The following SYT10 variants were observed in gnomAD, a reference collection of about 807,000 sequenced individuals.
SYT10 encodes synaptotagmin 10.
Under a neutral mutation model 51.1 loss-of-function variants are expected in SYT10, and 31 were observed. That is an observed-to-expected ratio of 0.61 (90% CI 0.46 to 0.82). The LOEUF (loss-of-function observed/expected upper bound fraction) is 0.82. Ranked by LOEUF, SYT10 falls within the 40% of genes least tolerant of loss-of-function variation. The pLI, the probability that SYT10 is intolerant of heterozygous loss-of-function variation, is 0.00. For missense variants in SYT10, 603 were observed against 634.0 expected (o/e 0.95, Z 0.53); for synonymous variants, 233 against 225.9 (o/e 1.03, Z -0.28).
chr12:33,386,384 C>T (rs1866156852), intron 3 of SYT10, among the ~76,000 whole-genome samples: 1 of 152,032 alleles, frequency 6.6e-6, no homozygotes, highest in Non-Finnish European at 1.5e-5. Context: ...ATTCCTTTCC[C>T]CTCCAAGGTC....
Position 33,439,625 on chromosome 12 carries a change from G to T in SYT10, c.-103C>A. 2.1e-6 allele frequency: 3 copies of T among 1,413,072 alleles called. No individual in the cohort carries two copies. Among genetic ancestry groups the T allele is most frequent in the Admixed American group, 4.4e-5 (2 of 45,506 alleles). 87.5% of individuals were successfully genotyped at this position (1,413,072 alleles called of 1,614,324 possible). On this transcript the variant is annotated 5_prime_UTR_variant, in exon 1 of 7. Coordinates refer to ENST00000228567, the MANE Select transcript of SYT10 (RefSeq NM_198992.4). ...GCGCCCTAAGCCATAGTCCGCCCGC[G>T]GTGACTTTGGCTGGAGATTGCGCCG...
chr12:33,430,368 G>A (rs1866586850), intron 1 of SYT10, among the ~76,000 whole-genome samples: 1 of 152,200 alleles, frequency 6.6e-6, no homozygotes, highest in South Asian at 2.1e-4. Flanking sequence ...GAAACTTTTA[G>A]CATAGCAGAA....
chr12:33,402,499 A>C (rs986256668), intron 3 of SYT10, among the ~76,000 whole-genome samples: 1 of 152,202 alleles, frequency 6.6e-6, no homozygotes, highest in African/African-American at 2.4e-5. Flanking sequence ...ATCAGGAAAC[A>C]ATTATATAAT....
intron 2 of SYT10, among the ~76,000 whole-genome samples, chr12:33,416,280 A>G (rs528406764): frequency 2.0e-5 from 3 of 151,730 alleles, no homozygotes; most frequent in Non-Finnish European, 4.4e-5. Context: ...ACGGGGTTTC[A>G]TTATGTTGGC....
At chr12:33,383,500 G>C (rs1866133219) in intron 4 of SYT10, among the ~76,000 whole-genome samples, 1 of 152,066 alleles carries the variant, frequency 6.6e-6, no homozygotes, top group South Asian at 2.1e-4. Flanking sequence ...ATTCGTGGCT[G>C]GAAATAGGGT....
In SYT10 at chr12:33,439,542, T is replaced by A; in HGVS notation, c.-20A>T. ...ACTCATCGTTTGGCTTTTCTTTCGT[T>A]TTCTCTTTTTTTCCCAGTTAGCCGT... On this transcript the variant is annotated 5_prime_UTR_variant, in exon 1 of 7. Coordinates refer to ENST00000228567, the MANE Select transcript of SYT10 (RefSeq NM_198992.4). 9 of 1,610,324 alleles carry A rather than the reference T, an allele frequency of 5.6e-6. No homozygotes were observed. Among genetic ancestry groups the A allele is most frequent in the Non-Finnish European group, 7.6e-6 (9 of 1,177,470 alleles).
In SYT10 at chr12:33,375,088, G is replaced by A. The variant is rs1371120344; in HGVS notation, c.*1742C>T. 4 of 151,868 alleles carry A rather than the reference G, an allele frequency of 2.6e-5. No individual in the cohort carries two copies. Among genetic ancestry groups the A allele is most frequent in the Admixed American group, 2.6e-4 (4 of 15,238 alleles). 9.4% of individuals were successfully genotyped at this position (151,868 alleles called of 1,614,324 possible). Reference sequence around the variant, plus strand: ...TATAGCAAATAATTCTTTTAGGCTCGACAAGGTAGCCAAATGTTTCCAAAC... The same window carrying A: ...TATAGCAAATAATTCTTTTAGGCTCAACAAGGTAGCCAAATGTTTCCAAAC... On this transcript the variant is annotated 3_prime_UTR_variant, in exon 7 of 7. Coordinates refer to ENST00000228567, the MANE Select transcript of SYT10 (RefSeq NM_198992.4).
chr12:33,375,438 A>G lies in SYT10; in HGVS notation c.*1392T>C, dbSNP rs1421263316. 1 of 152,068 alleles carries G rather than the reference A, an allele frequency of 6.6e-6. No individual in the cohort carries two copies. The allele number at this position is 152,068 out of a possible 1,614,324, so 9.4% of individuals were successfully genotyped here. On this transcript the variant is annotated 3_prime_UTR_variant, in exon 7 of 7. Transcript: ENST00000228567. ...GCCTCTTTTTTTAAAAAAACCACCA[A>G]TTTTGAAATAAGCTTGAAATATATA...
At chr12:33,428,988 G>A (rs1172185238) in intron 1 of SYT10, among the ~76,000 whole-genome samples, 1 of 152,104 alleles carries the variant, frequency 6.6e-6, no homozygotes, top group South Asian at 2.1e-4. Flanking sequence ...TATACCTAGG[G>A]AAGGAGGAGA....
intron 1 of SYT10, among the ~76,000 whole-genome samples, chr12:33,429,772 A>T (rs1866582162): frequency 6.6e-6 from 1 of 152,226 alleles, no homozygotes; most frequent in Admixed American, 6.5e-5. Flanking sequence ...TTGGGGATCG[A>T]AATATTTGGA....
chr12:33,406,076 C>A (rs920456894), intron 3 of SYT10, among the ~76,000 whole-genome samples: 12 of 151,804 alleles, frequency 7.9e-5, no homozygotes, highest in Admixed American at 7.2e-4. Flanking sequence ...AGTTGGAAAG[C>A]AATATGCCAA....
chr12:33,421,129 C>T (rs1866500011), intron 2 of SYT10, among the ~76,000 whole-genome samples: 1 of 152,066 alleles, frequency 6.6e-6, no homozygotes, highest in Admixed American at 6.6e-5. Flanking sequence ...TGTATTTTTA[C>T]ATAATTCTTA....
At chr12:33,415,106 G>A (rs1814529394) in intron 2 of SYT10, among the ~76,000 whole-genome samples, 1 of 152,156 alleles carries the variant, frequency 6.6e-6, no homozygotes, top group African/African-American at 2.4e-5. Flanking sequence ...AAAAGTGTTG[G>A]ACTAGAGTCT....
intron 6 of SYT10, among the ~76,000 whole-genome samples, chr12:33,379,549 C>CA (rs71068377): frequency 0.041 from 897 of 22,118 alleles, 206 homozygotes; most frequent in Middle Eastern, 0.11. Flanking sequence ...TCAGGCTATG[C>CA]AAAAAAAAAA....
At position 33,439,547 on chromosome 12, in the gene SYT10, CTT is replaced by C; in HGVS notation, c.-27_-26del. On this transcript the variant is annotated 5_prime_UTR_variant, in exon 1 of 7. Coordinates refer to ENST00000228567, the MANE Select transcript of SYT10 (RefSeq NM_198992.4). ...TCGTTTGGCTTTTCTTTCGTTTTCT[CTT>C]TTTTTCCCAGTTAGCCGTCTTTTCC... is the stretch of plus-strand genomic sequence containing the variant. 1 of 1,609,712 alleles carries C rather than the reference CTT, an allele frequency of 6.2e-7. No individual in the cohort carries two copies. Among genetic ancestry groups the C allele is most frequent in the East Asian group, 2.2e-5 (1 of 44,670 alleles).
rs942629396 is a variant in SYT10, at chr12:33,374,438, C to T, written c.*2392G>A. The T allele has an allele frequency of 2.6e-5, 4 of 151,566 alleles. No individual in the cohort carries two copies. The highest frequency in any genetic ancestry group is 9.7e-5 in the African/African-American group (4 of 41,312). The allele number at this position is 151,566 out of a possible 1,614,324, so 9.4% of individuals were successfully genotyped here. ...ACTGAAAATATTTCATCTTCAATTA[C>T]AAGCAGAAAGATGGTAAGTTATGTG... is the stretch of plus-strand genomic sequence containing the variant. On this transcript the variant is annotated 3_prime_UTR_variant, in exon 7 of 7. Coordinates refer to ENST00000228567, the MANE Select transcript of SYT10 (RefSeq NM_198992.4).
rs1029862276 is a variant in SYT10, at chr12:33,439,398, C to T, written c.125G>A (p.Arg42Lys). ...TGTGCTGCTTCCGCCCTGGCTGCCCCTGTCCCGAGGGAAGATGCCCGAGCA... is the reference window on the plus strand; with the variant it reads ...TGTGCTGCTTCCGCCCTGGCTGCCCTTGTCCCGAGGGAAGATGCCCGAGCA... ...EKCSGIFPRD[R>K]GSQGGSSTDI... Residue 42 changes from arginine to lysine, a missense_variant, in exon 1 of 7, where the codon AGG (arginine) becomes AAG (lysine). By Grantham distance (26) the Arg-to-Lys change is conservative (BLOSUM62 2). Coordinates refer to ENST00000228567, the MANE Select transcript of SYT10 (RefSeq NM_198992.4). 6.2e-7 allele frequency: 1 copy of T among 1,614,074 alleles called. No homozygotes were observed. The highest frequency in any genetic ancestry group is 1.1e-5 in the South Asian group (1 of 91,086).
chr12:33,379,074 C>T (rs1591979444), intron 6 of SYT10, among the ~76,000 whole-genome samples: 5 of 152,150 alleles, frequency 3.3e-5, no homozygotes, highest in African/African-American at 4.8e-5. Context: ...ATTAGAACCT[C>T]GTCCCACTGA....
intron 4 of SYT10, among the ~76,000 whole-genome samples, chr12:33,384,314 C>G (rs529437613): frequency 6.6e-6 from 1 of 152,206 alleles, no homozygotes; most frequent in South Asian, 2.1e-4. Context: ...GGAGCTATTT[C>G]CACACCAGAA....
Sources: gnomAD v4.1 joint callset for allele counts (sites outside exome capture counted in the v4.1 genomes callset) on GRCh38, gnomAD v4.1.1 for gene constraint, MANE v1.5 for transcripts, NCBI Gene and HGNC (gene_info 2026-07-23, HGNC 2026-07-21) for gene names.